The following PDE1A variants were observed in gnomAD, a reference collection of about 807,000 sequenced individuals.
PDE1A encodes dual specificity calcium/calmodulin-dependent 3',5'-cyclic nucleotide phosphodiesterase 1A.
Under a neutral mutation model 61.7 loss-of-function variants are expected in PDE1A, and 35 were observed. That is an observed-to-expected ratio of 0.57 (90% CI 0.43 to 0.75). The LOEUF (loss-of-function observed/expected upper bound fraction) is 0.75, where lower values mean the gene tolerates loss of function less well. Ranked by LOEUF, PDE1A falls within the 30% of genes least tolerant of loss-of-function variation. The pLI is 0.00. For missense variants in PDE1A, 597 were observed against 630.6 expected (o/e 0.95, Z 0.57); for synonymous variants, 232 against 213.2 (o/e 1.09, Z -0.77).
chr2:182,515,244 C>T (rs1188198574), intron 2 of PDE1A, among the ~76,000 whole-genome samples: 1 of 152,156 alleles, frequency 6.6e-6, no homozygotes, highest in Non-Finnish European at 1.5e-5. Context: ...TATTAACTTG[C>T]TTTTTATAAT....
At chr2:182,600,685 A>G in the PDE1A span, among the ~76,000 whole-genome samples, 3 of 152,382 alleles carry the variant, frequency 2.0e-5, no homozygotes, top group East Asian at 5.8e-4. Flanking sequence ...CCAGCCATGC[A>G]TTGAAATACA....
the PDE1A span, among the ~76,000 whole-genome samples, chr2:182,529,068 T>G: frequency 6.6e-6 from 1 of 152,158 alleles, no homozygotes; most frequent in Admixed American, 6.5e-5. Context: ...AGTGGAGCTG[T>G]GAGAAGAGGG....
chr2:182,410,356 G>A lies in PDE1A; in HGVS notation c.53+16222C>T, dbSNP rs139879448. 9.7e-3 allele frequency among the ~76,000 whole-genome samples: 1,475 copies of A among 152,086 alleles called. 23 individuals are homozygous for A. Among genetic ancestry groups the A allele is most frequent in the African/African-American group, 0.034 (1,391 of 41,462 alleles). On this transcript the variant is annotated intron_variant, in intron 1 of 13. Transcript: ENST00000351439. ...CACCCCAGCCTGGGTAACAGAATAA[G>A]ACTTTGTCTTAAAATAAATAAATAA...
the PDE1A span, among the ~76,000 whole-genome samples, chr2:182,675,292 G>A: frequency 1.4e-4 from 22 of 151,928 alleles, no homozygotes; most frequent in Non-Finnish European, 2.9e-4. Context: ...TGATCTCATT[G>A]TTTTTTATGG....
At chr2:182,203,244 CA>C (rs887737675) in intron 8 of PDE1A, among the ~76,000 whole-genome samples, 3 of 152,080 alleles carry the variant, frequency 2.0e-5, no homozygotes, top group Admixed American at 2.0e-4. Context: ...GTCATGAACT[CA>C]GGAGACAGAG....
chr2:182,156,550 C>G lies in PDE1A; in HGVS notation c.1517-9398G>C, dbSNP rs1691092137. Among the ~76,000 whole-genome samples, 3 of 152,254 alleles carry G rather than the reference C, an allele frequency of 2.0e-5. No individual in the cohort carries two copies. In the South Asian group the frequency reaches 6.2e-4, roughly 32 times the overall value. On this transcript the variant is annotated intron_variant, in intron 13 of 13. Transcript: ENST00000409365. ...CTGGAAAAGCACAACAGTGAAGTTT[C>G]CAGTTGGGAAATGTGGAGTAAACAT...
chr2:182,710,786 T>C, the PDE1A span, among the ~76,000 whole-genome samples: 2 of 152,366 alleles, frequency 1.3e-5, no homozygotes, highest in East Asian at 3.9e-4. Flanking sequence ...CTTCATACCT[T>C]GGCTCTTGTG....
At chr2:182,294,573 C>T (rs1277631430) in intron 1 of PDE1A, among the ~76,000 whole-genome samples, 1 of 152,136 alleles carries the variant, frequency 6.6e-6, no homozygotes, top group Admixed American at 6.5e-5. Context: ...TCCAAATTTC[C>T]TTCTATAGGA....
intron 2 of PDE1A, among the ~76,000 whole-genome samples, chr2:182,477,242 C>G (rs1478342817): frequency 6.6e-6 from 1 of 151,864 alleles, no homozygotes; most frequent in Admixed American, 6.6e-5. Flanking sequence ...AATTATCTGA[C>G]TCATGTTGAG....
intron 2 of PDE1A, among the ~76,000 whole-genome samples, chr2:182,490,149 C>T (rs4666586): frequency 0.34 from 51,091 of 151,880 alleles, 8,758 homozygotes; most frequent in Middle Eastern, 0.37. Flanking sequence ...GATGGAGAAG[C>T]GAACATTTGA....
the PDE1A span, among the ~76,000 whole-genome samples, chr2:182,577,952 G>GGAAGGAAA: frequency 7.4e-6 from 1 of 134,800 alleles, no homozygotes; most frequent in South Asian, 2.4e-4. Context: ...AAGGAAGGAA[G>GGAAGGAAA]GAAGGAAGGA....
the PDE1A span, among the ~76,000 whole-genome samples, chr2:182,672,522 T>C: frequency 6.6e-6 from 1 of 152,178 alleles, no homozygotes; most frequent in Non-Finnish European, 1.5e-5. Flanking sequence ...AAAAAGAGAA[T>C]TTATAAAAGA....
At chr2:182,519,826 C>T (rs895193106) in intron 2 of PDE1A, among the ~76,000 whole-genome samples, 3 of 151,878 alleles carry the variant, frequency 2.0e-5, no homozygotes, top group Admixed American at 1.3e-4. Flanking sequence ...TTTACTTTCA[C>T]CTTTGTCTCT....
At chr2:182,266,982 T>C (rs1692678082) in intron 1 of PDE1A, among the ~76,000 whole-genome samples, 1 of 152,160 alleles carries the variant, frequency 6.6e-6, no homozygotes, top group Non-Finnish European at 1.5e-5. Context: ...GTTTCTTTTA[T>C]AGGCAAATGA....
the PDE1A span, among the ~76,000 whole-genome samples, chr2:182,677,497 A>T: frequency 6.6e-6 from 1 of 152,224 alleles, no homozygotes. Flanking sequence ...ATTCGATGTT[A>T]TTCCTATCAA....
chr2:182,583,854 GT>G, the PDE1A span, among the ~76,000 whole-genome samples: 1 of 152,234 alleles, frequency 6.6e-6, no homozygotes, highest in South Asian at 2.1e-4. Flanking sequence ...CCCACCTGAG[GT>G]AAGCATATTG....
chr2:182,255,651 TTTC>T (rs1691722640), intron 2 of PDE1A, among the ~76,000 whole-genome samples: 1 of 146,764 alleles, frequency 6.8e-6, no homozygotes. Flanking sequence ...CTTTTCTTTC[TTTC>T]TTTTCTTTTT....
At chr2:182,408,903 C>T (rs550241365) in intron 1 of PDE1A, among the ~76,000 whole-genome samples, 1 of 152,296 alleles carries the variant, frequency 6.6e-6, no homozygotes, top group South Asian at 2.1e-4. Flanking sequence ...ATCCACTCAC[C>T]TTGCAGAGAG....
chr2:182,208,595 G>A (rs1687313888), intron 7 of PDE1A, among the ~76,000 whole-genome samples: 1 of 152,164 alleles, frequency 6.6e-6, no homozygotes, highest in Admixed American at 6.5e-5. Flanking sequence ...AGCTTGCACT[G>A]TGCACATGGA....
Sources: allele counts gnomAD v4.1 joint callset (sites outside exome capture counted in the v4.1 genomes callset), GRCh38; gene constraint gnomAD v4.1.1; transcripts MANE v1.5; gene names NCBI Gene and HGNC (gene_info 2026-07-23, HGNC 2026-07-21).